The following RTL10 variants were observed in gnomAD, a reference collection of about 807,000 sequenced individuals.
RTL10 encodes the protein retrotransposon Gag like 10.
For synonymous variants in RTL10, 199 were observed against 188.4 expected (o/e 1.06, Z -0.46); for missense variants, 477 against 470.7 (o/e 1.01, Z -0.12).
Position 19,851,964 on chromosome 22 carries a change from G to C in RTL10, c.298C>G (p.Pro100Ala), listed in dbSNP as rs1415190724. Residue 100 changes from proline to alanine, a missense_variant, in exon 3 of 3, where the codon CCA (proline) becomes GCA (alanine). Coordinates refer to ENST00000328554, the MANE Select transcript of RTL10 (RefSeq NM_024627.6). ...TCAAAGGTGCCTGGGTCTGAGCCTG[G>C]TACCCAGCAGAAGTCCACCCTGTGG... is the stretch of plus-strand genomic sequence containing the variant. ...RPHRVDFCWV[P>A]GSDPGTFDGS... 1.2e-6 allele frequency: 2 copies of C among 1,614,026 alleles called. No homozygotes were observed. Among genetic ancestry groups the C allele is most frequent in the Non-Finnish European group, 1.7e-6 (2 of 1,179,996 alleles).
In RTL10 at chr22:19,854,717, C is replaced by G. The variant is rs1389468319; in HGVS notation, c.-380G>C. The G allele has an allele frequency of 6.6e-6, 1 of 152,426 alleles. No individual in the cohort carries two copies. The highest frequency in any genetic ancestry group is 1.9e-4 in the East Asian group (1 of 5,196). The allele number at this position is 152,426 out of a possible 1,614,324, so 9.4% of individuals were successfully genotyped here. Reference sequence around the variant, plus strand: ...GCGACCCAGGCTGGGGCTCCGAGTGCCCCTCTGCGGATCAGAAGTCGGGAA... The same window carrying G: ...GCGACCCAGGCTGGGGCTCCGAGTGGCCCTCTGCGGATCAGAAGTCGGGAA... On this transcript the variant is annotated 5_prime_UTR_variant, in exon 1 of 3. Transcript: ENST00000328554.
In RTL10 at chr22:19,850,847, C is replaced by A; in HGVS notation, c.*320G>T. 3.1e-6 allele frequency: 4 copies of A among 1,306,312 alleles called. No homozygotes were observed. Among genetic ancestry groups the A allele is most frequent in the Non-Finnish European group, 3.9e-6 (4 of 1,031,900 alleles). 80.9% of individuals were successfully genotyped at this position (1,306,312 alleles called of 1,614,324 possible). On this transcript the variant is annotated 3_prime_UTR_variant, in exon 3 of 3. Transcript: ENST00000328554. ...GGGGGTGGAGGTGACAAAGATGATG[C>A]AACTATCTGCTGAGAGTTGATCTAC... is the stretch of plus-strand genomic sequence containing the variant.
Position 19,847,072 on chromosome 22 carries a change from G to A in RTL10, c.*4095C>T. On this transcript the variant is annotated 3_prime_UTR_variant, in exon 3 of 3. Coordinates refer to ENST00000328554, the MANE Select transcript of RTL10 (RefSeq NM_024627.6). ...TGCTGCCGTCCTATGGAACTCAGGT[G>A]TGGCTCTGTGGCTTCCTTTGGCCAC... 2.0e-6 allele frequency: 2 copies of A among 985,458 alleles called. No individual in the cohort carries two copies. The highest frequency in any genetic ancestry group is 2.4e-6 in the Non-Finnish European group (2 of 829,944). 61.0% of individuals were successfully genotyped at this position (985,458 alleles called of 1,614,324 possible). A position where few individuals can be genotyped will look rare whatever the true frequency, so the allele number is the denominator to read the frequency against.
Position 19,853,427 on chromosome 22 carries a change from T to C in RTL10, c.-225-941A>G, listed in dbSNP as rs139318662. Among the ~76,000 whole-genome samples the C allele has an allele frequency of 3.3e-3, 501 of 152,256 alleles. 2 individuals carry two copies. Among genetic ancestry groups the C allele is most frequent in the African/African-American group, 0.011 (468 of 41,544 alleles). On this transcript the variant is annotated intron_variant, in intron 2 of 2. Coordinates refer to ENST00000328554, the MANE Select transcript of RTL10 (RefSeq NM_024627.6). ...GCCCTCCTGTAGGGCTCTTACACTCTGCAGCCTAACTCTATCTAGCCCCCT... is the reference window on the plus strand; with the variant it reads ...GCCCTCCTGTAGGGCTCTTACACTCCGCAGCCTAACTCTATCTAGCCCCCT...
Position 19,852,337 on chromosome 22 carries a change from G to A in RTL10, c.-76C>T, listed in dbSNP as rs1334858752. The stretch of plus-strand genomic sequence containing the variant: ...GGGTGTGGACAGATGTGGCTTGCAC[G>A]ACACAACAGGACAGGGATGGCTGAA... On this transcript the variant is annotated 5_prime_UTR_variant, in exon 3 of 3. Coordinates refer to ENST00000328554, the MANE Select transcript of RTL10 (RefSeq NM_024627.6). The A allele has an allele frequency of 4.5e-5, 65 of 1,460,550 alleles. 1 individual carries two copies. The highest frequency in any genetic ancestry group is 5.5e-5 in the Non-Finnish European group (59 of 1,071,558). 90.5% of individuals were successfully genotyped at this position (1,460,550 alleles called of 1,614,324 possible).
rs1938129034 is a variant in RTL10 at position 19,852,355 on chromosome 22, T to C, written c.-94A>G. The C allele has an allele frequency of 7.2e-7, 1 of 1,397,412 alleles. No homozygotes were observed. Among genetic ancestry groups the C allele is most frequent in the Non-Finnish European group, 9.8e-7 (1 of 1,019,352 alleles). 86.6% of individuals were successfully genotyped at this position (1,397,412 alleles called of 1,614,324 possible). A position where few individuals can be genotyped will look rare whatever the true frequency, so the allele number is the denominator to read the frequency against. ...CTTGCACGACACAACAGGACAGGGA[T>C]GGCTGAACAGGGCGTGGCAGACCCG... On this transcript the variant is annotated 5_prime_UTR_variant, in exon 3 of 3. Coordinates refer to ENST00000328554, the MANE Select transcript of RTL10 (RefSeq NM_024627.6).
rs1938038077 is a variant in RTL10 at position 19,849,333 on chromosome 22, C to CAA, written c.*1832_*1833dup. The CAA allele has an allele frequency of 1.3e-6, 1 of 740,768 alleles. No individual in the cohort carries two copies. The highest frequency in any genetic ancestry group is 1.6e-6 in the Non-Finnish European group (1 of 622,002). 45.9% of individuals were successfully genotyped at this position (740,768 alleles called of 1,614,324 possible). On this transcript the variant is annotated 3_prime_UTR_variant, in exon 3 of 3. Transcript: ENST00000328554. ...GATAGTTACCATAAAATAATCCCAA[C>CAA]AATTTATATTTTTCTAAATAAGGTT...
In RTL10 at chr22:19,848,998, C is replaced by T; in HGVS notation, c.*2169G>A. ...GCCACAGTGCACTGGAGGTAGGCAT[C>T]AGGGAGCAGTCTGACCCAACCCACA... On this transcript the variant is annotated 3_prime_UTR_variant, in exon 3 of 3. Transcript: ENST00000328554. 1.0e-6 allele frequency: 1 copy of T among 985,554 alleles called. No individual in the cohort carries two copies. Among genetic ancestry groups the T allele is most frequent in the Non-Finnish European group, 1.2e-6 (1 of 830,036 alleles). The allele number at this position is 985,554 out of a possible 1,614,324, so 61.1% of individuals were successfully genotyped here. A position where few individuals can be genotyped will look rare whatever the true frequency, so the allele number is the denominator to read the frequency against.
In RTL10 at chr22:19,847,132, G is replaced by A; in HGVS notation, c.*4035C>T. Reference sequence around the variant, plus strand: ...AGTGGGGTGACACACATTACTTGTGGCCTGCTGTGGCCTTTCCCCTGCCTC... The same window carrying A: ...AGTGGGGTGACACACATTACTTGTGACCTGCTGTGGCCTTTCCCCTGCCTC... On this transcript the variant is annotated 3_prime_UTR_variant, in exon 3 of 3. Transcript: ENST00000328554. 2.0e-6 allele frequency: 2 copies of A among 985,434 alleles called. No homozygotes were observed. The highest frequency in any genetic ancestry group is 2.4e-6 in the Non-Finnish European group (2 of 829,940). The allele number at this position is 985,434 out of a possible 1,614,324, so 61.0% of individuals were successfully genotyped here. A position where few individuals can be genotyped will look rare whatever the true frequency, so the allele number is the denominator to read the frequency against.
At position 19,846,483 on chromosome 22, in the gene RTL10, C is replaced by G; in HGVS notation, c.*4684G>C. 1.0e-6 allele frequency: 1 copy of G among 985,428 alleles called. No homozygotes were observed. The highest frequency in any genetic ancestry group is 1.2e-6 in the Non-Finnish European group (1 of 829,918). The allele number at this position is 985,428 out of a possible 1,614,324, so 61.0% of individuals were successfully genotyped here. A position where few individuals can be genotyped will look rare whatever the true frequency, so the allele number is the denominator to read the frequency against. On this transcript the variant is annotated 3_prime_UTR_variant, in exon 3 of 3. Coordinates refer to ENST00000328554, the MANE Select transcript of RTL10 (RefSeq NM_024627.6). Reference sequence around the variant, plus strand: ...AACCCAGGGCCTGGGGGACTCTGCACACAGGCATGTGGAGACCACAGAAGC... The same window carrying G: ...AACCCAGGGCCTGGGGGACTCTGCAGACAGGCATGTGGAGACCACAGAAGC...
rs1601355838 is a variant in RTL10 at position 19,849,306 on chromosome 22, G to A, written c.*1861C>T. On this transcript the variant is annotated 3_prime_UTR_variant, in exon 3 of 3. Coordinates refer to ENST00000328554, the MANE Select transcript of RTL10 (RefSeq NM_024627.6). ...CCATCTGAACCCAGAGCCTTTTCTA[G>A]TGATAGTTACCATAAAATAATCCCA... 2 of 979,962 alleles carry A rather than the reference G, an allele frequency of 2.0e-6. No homozygotes were observed. Among genetic ancestry groups the A allele is most frequent in the Non-Finnish European group, 1.2e-6 (1 of 825,282 alleles). 60.7% of individuals were successfully genotyped at this position (979,962 alleles called of 1,614,324 possible). A position where few individuals can be genotyped will look rare whatever the true frequency, so the allele number is the denominator to read the frequency against.
In RTL10 at chr22:19,846,813, C is replaced by A; in HGVS notation, c.*4354G>T. On this transcript the variant is annotated 3_prime_UTR_variant, in exon 3 of 3. Transcript: ENST00000328554. ...GAGGCCTCAGGAGAAACCAACCCTG[C>A]CCACACCTTGATCTCAGGCTTCTAG... 1.4e-6 allele frequency: 1 copy of A among 690,418 alleles called. No individual in the cohort carries two copies. Among genetic ancestry groups the A allele is most frequent in the Non-Finnish European group, 1.8e-6 (1 of 560,256 alleles). 42.8% of individuals were successfully genotyped at this position (690,418 alleles called of 1,614,324 possible). A position where few individuals can be genotyped will look rare whatever the true frequency, so the allele number is the denominator to read the frequency against.
Position 19,849,049 on chromosome 22 carries a change from C to T in RTL10, c.*2118G>A, listed in dbSNP as rs1377632100. ...AAAGGGGGGATGGGGCCTGAGTCAT[C>T]GGACGGAGGGCAGCTGTGACCTGGC... On this transcript the variant is annotated 3_prime_UTR_variant, in exon 3 of 3. Transcript: ENST00000328554. 7.1e-6 allele frequency: 7 copies of T among 985,320 alleles called. No individual in the cohort carries two copies. Among genetic ancestry groups the T allele is most frequent in the Admixed American group, 6.2e-5 (1 of 16,258 alleles). 61.0% of individuals were successfully genotyped at this position (985,320 alleles called of 1,614,324 possible). A position where few individuals can be genotyped will look rare whatever the true frequency, so the allele number is the denominator to read the frequency against.
At position 19,846,387 on chromosome 22, in the gene RTL10, A is replaced by C; in HGVS notation, c.*4780T>G. On this transcript the variant is annotated 3_prime_UTR_variant, in exon 3 of 3. Transcript: ENST00000328554. ...TCTTAAGTGAGAAACAGCATCCCAT[A>C]CAGCACAACTGGGCACTGCCTACTC... is the stretch of plus-strand genomic sequence containing the variant. The C allele has an allele frequency of 2.0e-6, 2 of 981,038 alleles. No homozygotes were observed. The highest frequency in any genetic ancestry group is 2.4e-6 in the Non-Finnish European group (2 of 825,868). 60.8% of individuals were successfully genotyped at this position (981,038 alleles called of 1,614,324 possible). A position where few individuals can be genotyped will look rare whatever the true frequency, so the allele number is the denominator to read the frequency against.
Position 19,852,281 on chromosome 22 carries a change from A to C in RTL10, c.-20T>G, listed in dbSNP as rs1462280474. 3 of 1,584,028 alleles carry C rather than the reference A, an allele frequency of 1.9e-6. No homozygotes were observed. Among genetic ancestry groups the C allele is most frequent in the Non-Finnish European group, 8.6e-7 (1 of 1,163,972 alleles). ...AGGCATGCTGGGAGCACAGGGGAGA[A>C]GAGAGGAGAGCCAGCACTGGTGGGT... On this transcript the variant is annotated 5_prime_UTR_variant, in exon 3 of 3. Coordinates refer to ENST00000328554, the MANE Select transcript of RTL10 (RefSeq NM_024627.6).
chr22:19,851,300 C>T lies in RTL10; in HGVS notation c.962G>A (p.Gly321Asp). Reference protein sequence around the residue: ...AQRPDPAHPGGPKPQKTEEEV... With the variant: ...AQRPDPAHPGDPKPQKTEEEV... ...CTCCTCTGTTTTCTGGGGTTTTGGA[C>T]CTCCTGGATGAGCTGGGTCTGGTCT... is the stretch of plus-strand genomic sequence containing the variant. Residue 321 changes from glycine to aspartate, a missense_variant, in exon 3 of 3, where the codon GGT becomes GAT. Gly to Asp is a moderately conservative substitution (Grantham distance 94). Transcript: ENST00000328554. The T allele has an allele frequency of 6.2e-7, 1 of 1,613,982 alleles. No individual in the cohort carries two copies. The highest frequency in any genetic ancestry group is 8.5e-7 in the Non-Finnish European group (1 of 1,179,948).
rs929927964 is a variant in RTL10 at position 19,847,978 on chromosome 22, A to G, written c.*3189T>C. 10 of 985,224 alleles carry G rather than the reference A, an allele frequency of 1.0e-5. No individual in the cohort carries two copies. The African/African-American group carries it at 1.6e-4, about 15-fold the overall frequency. 61.0% of individuals were successfully genotyped at this position (985,224 alleles called of 1,614,324 possible). On this transcript the variant is annotated 3_prime_UTR_variant, in exon 3 of 3. Transcript: ENST00000328554. ...ACTGAATAATCCATTTTACTCGTTA[A>G]TTGGAAACACCTCTAGCCTGTACTA...
Position 19,846,529 on chromosome 22 carries a change from A to C in RTL10, c.*4638T>G. The C allele has an allele frequency of 1.0e-6, 1 of 985,522 alleles. No individual in the cohort carries two copies. Among genetic ancestry groups the C allele is most frequent in the Non-Finnish European group, 1.2e-6 (1 of 829,972 alleles). 61.0% of individuals were successfully genotyped at this position (985,522 alleles called of 1,614,324 possible). ...GAAGCCTGCCCAATATAGCGCTGCC[A>C]GGAACAGCAAAGACAAAACCAGAGA... On this transcript the variant is annotated 3_prime_UTR_variant, in exon 3 of 3. Coordinates refer to ENST00000328554, the MANE Select transcript of RTL10 (RefSeq NM_024627.6).
Position 19,850,976 on chromosome 22 carries a change from G to A in RTL10, c.*191C>T. 1 of 1,409,190 alleles carries A rather than the reference G, an allele frequency of 7.1e-7. No homozygotes were observed. The highest frequency in any genetic ancestry group is 9.2e-7 in the Non-Finnish European group (1 of 1,086,312). 87.3% of individuals were successfully genotyped at this position (1,409,190 alleles called of 1,614,324 possible). On this transcript the variant is annotated 3_prime_UTR_variant, in exon 3 of 3. Coordinates refer to ENST00000328554, the MANE Select transcript of RTL10 (RefSeq NM_024627.6). ...CAGCAGGGAAAGGGCACAGGGCGGA[G>A]GTCAAGCTCTGCTGGAGTTGGGGGA...
Sources: gnomAD v4.1 joint callset for allele counts (sites outside exome capture counted in the v4.1 genomes callset) on GRCh38, gnomAD v4.1.1 for gene constraint, MANE v1.5 for transcripts, NCBI Gene and HGNC (gene_info 2026-07-23, HGNC 2026-07-21) for gene names.